The following DCLK2 variants were observed in gnomAD, a reference collection of about 807,000 sequenced individuals.
The protein encoded by DCLK2 is doublecortin like kinase 2.
DCLK2 carries 31 observed loss-of-function variants against 78.4 expected under a neutral mutation model. The ratio of observed to expected loss-of-function variants is 0.40; its 90% CI spans 0.30 to 0.53. DCLK2 has a LOEUF of 0.53. DCLK2 is among the 20% of genes least tolerant of loss of function. The pLI is 0.61. For missense variants in DCLK2, 872 were observed against 973.7 expected (o/e 0.90, Z 1.39); for synonymous variants, 407 against 374.9 (o/e 1.09, Z -0.99).
intron 2 of DCLK2, among the ~76,000 whole-genome samples, chr4:150,117,602 C>G (rs76513359): frequency 6.6e-6 from 1 of 152,164 alleles, no homozygotes; most frequent in Admixed American, 6.5e-5. Flanking sequence ...TGCAAGGTCC[C>G]CTGTGAGGTG....
At chr4:150,241,065 C>G (rs925864868) in intron 12 of DCLK2, among the ~76,000 whole-genome samples, 3 of 152,214 alleles carry the variant, frequency 2.0e-5, no homozygotes, top group Admixed American at 2.0e-4. Flanking sequence ...ATAGTGGTCT[C>G]TCTCACTCAA....
chr4:150,200,059 C>A (rs558688135), intron 4 of DCLK2, among the ~76,000 whole-genome samples: 3 of 152,234 alleles, frequency 2.0e-5, no homozygotes, highest in Admixed American at 1.3e-4. Context: ...GTTCAAGAAT[C>A]GGGTGTGATT....
At chr4:150,092,988 A>G (rs996759830) in intron 1 of DCLK2, among the ~76,000 whole-genome samples, 2 of 152,220 alleles carry the variant, frequency 1.3e-5, no homozygotes, top group African/African-American at 4.8e-5. Context: ...TCAGAAAGGA[A>G]GAAGCACAAT....
At chr4:150,211,504 G>A (rs556238700) in intron 5 of DCLK2, among the ~76,000 whole-genome samples, 1 of 152,248 alleles carries the variant, frequency 6.6e-6, no homozygotes, top group African/African-American at 2.4e-5. Context: ...GAGTCTGGCA[G>A]TCACACCAGC....
intron 3 of DCLK2, among the ~76,000 whole-genome samples, chr4:150,193,608 A>T (rs10019650): frequency 0.79 from 120,355 of 151,824 alleles, 50,124 homozygotes; most frequent in Middle Eastern, 0.94. Flanking sequence ...AGTGTTGAAC[A>T]TGAAACAATT....
At chr4:150,124,312 T>C (rs1267659720) in intron 2 of DCLK2, among the ~76,000 whole-genome samples, 5 of 152,194 alleles carry the variant, frequency 3.3e-5, no homozygotes, top group African/African-American at 4.8e-5. Context: ...CTTAAGACTT[T>C]CAAGAAGATT....
At chr4:150,203,229 A>T (rs1346592466) in intron 4 of DCLK2, among the ~76,000 whole-genome samples, 1 of 152,222 alleles carries the variant, frequency 6.6e-6, no homozygotes, top group Non-Finnish European at 1.5e-5. Context: ...AAGGTTGAAG[A>T]ATGTTTTTCA....
rs1234394297 is a variant in DCLK2 at position 150,079,127 on chromosome 4, A to T, written c.100A>T (p.Ser34Cys). ...AGGGGCCCCCAGCTCCTCCGGGGGCAGCAGCAGCTCGGGCCCCAAGGGGAA... is the reference window on the plus strand; with the variant it reads ...AGGGGCCCCCAGCTCCTCCGGGGGCTGCAGCAGCTCGGGCCCCAAGGGGAA... ...RRGAPSSSGGSSSSGPKGNGL... is the reference protein window; with the variant it reads ...RRGAPSSSGGCSSSGPKGNGL... Residue 34 changes from serine to cysteine, a missense_variant, in exon 1 of 16, where the codon AGC (serine) becomes TGC (cysteine). By Grantham distance (112) the Ser-to-Cys change is moderately radical. Transcript: ENST00000296550. The T allele has an allele frequency of 2.5e-6, 4 of 1,583,396 alleles. No individual in the cohort carries two copies. The highest frequency in any genetic ancestry group is 1.4e-5 in the African/African-American group (1 of 73,934).
chr4:150,186,803 G>A (rs778092858), intron 2 of DCLK2, among the ~76,000 whole-genome samples: 3 of 152,100 alleles, frequency 2.0e-5, no homozygotes, highest in Non-Finnish European at 4.4e-5. Flanking sequence ...CAGAGTGAGA[G>A]GATCACCTGA....
At chr4:150,152,345 G>A (rs964101529) in intron 2 of DCLK2, among the ~76,000 whole-genome samples, 8 of 152,140 alleles carry the variant, frequency 5.3e-5, no homozygotes, top group East Asian at 1.9e-4. Context: ...GCAGTGGCAC[G>A]ATCTTGGCTC....
chr4:150,232,327 C>T lies in DCLK2; in HGVS notation c.1300-10C>T. The T allele has an allele frequency of 6.2e-7, 1 of 1,613,448 alleles. No homozygotes were observed. The highest frequency in any genetic ancestry group is 1.1e-5 in the South Asian group (1 of 90,842). On this transcript the variant is annotated splice_polypyrimidine_tract_variant and intron_variant, in intron 8 of 15. Transcript: ENST00000296550. ...TTTCTGATCTCCTCTCTATACCGTTCATTTGACAGGAACACCTGATTGAGA... is the reference window on the plus strand; with the variant it reads ...TTTCTGATCTCCTCTCTATACCGTTTATTTGACAGGAACACCTGATTGAGA...
chr4:150,239,720 T>A, intron 10 of DCLK2, 22 bp from the exon 11 acceptor site: 2 of 1,609,868 alleles, frequency 1.2e-6, no homozygotes, highest in Non-Finnish European at 1.7e-6. Flanking sequence ...ATCTTCTGAT[T>A]GTTGGCTGAT....
intron 1 of DCLK2, among the ~76,000 whole-genome samples, chr4:150,084,391 G>A (rs558211201): frequency 7.9e-5 from 12 of 152,296 alleles, no homozygotes; most frequent in Admixed American, 2.0e-4. Context: ...TTAGATAAAC[G>A]TATAATTTTG....
chr4:150,199,009 G>A (rs888179959), intron 4 of DCLK2: 12 of 1,583,504 alleles, frequency 7.6e-6, no homozygotes, highest in Admixed American at 1.7e-5. Context: ...TCTACTCTGT[G>A]TATACTGCAT....
intron 2 of DCLK2, among the ~76,000 whole-genome samples, chr4:150,171,335 G>T (rs920319551): frequency 1.3e-5 from 2 of 152,156 alleles, no homozygotes; most frequent in East Asian, 1.9e-4. Context: ...AAAAAAATTA[G>T]CTGGGCGTGG....
intron 12 of DCLK2, among the ~76,000 whole-genome samples, chr4:150,241,971 G>T (rs1276754333): frequency 6.6e-6 from 1 of 152,190 alleles, no homozygotes; most frequent in African/African-American, 2.4e-5. Flanking sequence ...TTAGCCTATG[G>T]CATGGTGTTT....
intron 2 of DCLK2, among the ~76,000 whole-genome samples, chr4:150,177,221 G>C (rs1361304755): frequency 6.6e-6 from 1 of 152,020 alleles, no homozygotes; most frequent in Non-Finnish European, 1.5e-5. Flanking sequence ...AAGACATCTT[G>C]CAGGGTTTTT....
At chr4:150,134,690 T>A (rs79450919) in intron 2 of DCLK2, among the ~76,000 whole-genome samples, 2,169 of 152,288 alleles carry the variant, frequency 0.014, 57 homozygotes, top group African/African-American at 0.05. Flanking sequence ...CAGCAAAAGT[T>A]TTAAAAATAT....
At chr4:150,118,455 G>C (rs1277656623) in intron 2 of DCLK2, among the ~76,000 whole-genome samples, 1 of 152,014 alleles carries the variant, frequency 6.6e-6, no homozygotes, top group Non-Finnish European at 1.5e-5. Flanking sequence ...TTTAAAATTA[G>C]GGAATATGAT....
Sources: gnomAD v4.1 joint callset for allele counts (sites outside exome capture counted in the v4.1 genomes callset) on GRCh38, gnomAD v4.1.1 for gene constraint, MANE v1.5 for transcripts, NCBI Gene and HGNC (gene_info 2026-07-23, HGNC 2026-07-21) for gene names.